DGKB: variants seen among roughly 807,000 people sequenced by gnomAD.
DGKB encodes the protein 90 kDa diacylglycerol kinase.
A neutral mutation model predicts 114.3 loss-of-function variants in DGKB; 67 were observed. The observed-to-expected ratio is 0.59, with a 90% CI of 0.48 to 0.72. DGKB has a LOEUF of 0.72. Ranked by LOEUF, DGKB falls within the 30% of genes least tolerant of loss-of-function variation. DGKB has a pLI of 0.00. For synonymous variants in DGKB, 398 were observed against 323.1 expected, an observed-to-expected ratio of 1.23 and a Z score of -2.49; for missense variants, 907 against 975.2, an observed-to-expected ratio of 0.93 and a Z score of 0.93.
At chr7:14,467,909 G>A (rs1279180617) in intron 21 of DGKB, among the ~76,000 whole-genome samples, 3 of 151,976 alleles carry the variant, frequency 2.0e-5, no homozygotes, top group Non-Finnish European at 4.4e-5. Flanking sequence ...TTTGGAAAAA[G>A]TTCAAGCCAG....
intron 17 of DGKB, among the ~76,000 whole-genome samples, chr7:14,597,484 ATTATCTGCTT>A (rs1266391553): frequency 6.6e-6 from 1 of 152,166 alleles, no homozygotes; most frequent in African/African-American, 2.4e-5. Context: ...TCCAAATCCA[ATTATCTGCTT>A]TTCGGAGTGT....
chr7:14,734,192 G>A (rs1479617830), intron 5 of DGKB, among the ~76,000 whole-genome samples: 2 of 102,286 alleles, frequency 2.0e-5, no homozygotes, highest in Admixed American at 1.9e-4. Flanking sequence ...CTGCCACCAT[G>A]CCCGGCTAAT....
At chr7:14,204,294 A>C (rs146142037) in intron 23 of DGKB, among the ~76,000 whole-genome samples, 3 of 151,934 alleles carry the variant, frequency 2.0e-5, no homozygotes, top group Non-Finnish European at 2.9e-5. Context: ...TGAAAACTTG[A>C]GGGGCCTTAT....
chr7:14,818,545 T>C (rs1366425801), intron 2 of DGKB, among the ~76,000 whole-genome samples: 3 of 152,034 alleles, frequency 2.0e-5, no homozygotes, highest in African/African-American at 7.2e-5. Flanking sequence ...TATCCAAAAA[T>C]TGGGTAAAAC....
chr7:14,704,620 C>T lies in DGKB; in HGVS notation c.467-2890G>A, dbSNP rs187009935. ...GTTCTCCCAGCACGCAGCTGAAGAT[C>T]TGAGAACCGGCAGACTGCCTCTTCA... is the stretch of plus-strand genomic sequence containing the variant. On this transcript the variant is annotated intron_variant, in intron 6 of 25. Coordinates refer to ENST00000402815, the MANE Select transcript of DGKB (RefSeq NM_001350709.2). Among the ~76,000 whole-genome samples the T allele has an allele frequency of 5.9e-5, 9 of 152,110 alleles. No individual in the cohort carries two copies. The East Asian group carries it at 1.6e-3, about 26-fold the overall frequency.
At chr7:14,624,778 G>A (rs1433290951) in intron 14 of DGKB, among the ~76,000 whole-genome samples, 4 of 152,152 alleles carry the variant, frequency 2.6e-5, no homozygotes, top group Middle Eastern at 3.4e-3. Context: ...CAGGCAGATC[G>A]CTGGAGCCCA....
chr7:14,778,091 G>T (rs867946638), intron 2 of DGKB, among the ~76,000 whole-genome samples: 2 of 152,170 alleles, frequency 1.3e-5, no homozygotes, highest in South Asian at 4.1e-4. Context: ...TGACTTACTT[G>T]CATTGTAGTA....
chr7:14,250,040 A>C (rs1353505187), intron 23 of DGKB, among the ~76,000 whole-genome samples: 1 of 151,628 alleles, frequency 6.6e-6, no homozygotes, highest in Non-Finnish European at 1.5e-5. Context: ...CTACAGCCTC[A>C]ACCTCCTGCA....
intron 20 of DGKB, among the ~76,000 whole-genome samples, chr7:14,507,417 C>T (rs910396146): frequency 1.3e-5 from 2 of 151,938 alleles, no homozygotes; most frequent in South Asian, 2.1e-4. Flanking sequence ...TTTAATGTGC[C>T]GTGTGAAAGT....
At chr7:14,915,436 C>A (rs1784197947) in intron 1 of DGKB, among the ~76,000 whole-genome samples, 1 of 152,042 alleles carries the variant, frequency 6.6e-6, no homozygotes, top group Non-Finnish European at 1.5e-5. Flanking sequence ...TAACAGCTGT[C>A]TTCCAAAATT....
rs553749799 is a variant in DGKB at position 14,940,601 on chromosome 7, C to T, written c.-188+34095G>A. On this transcript the variant is annotated intron_variant, in intron 1 of 4. Coordinates refer to the DGKB transcript ENST00000437998. ...CCAGTTTTGGCCCACAGGCCATATG[C>T]AGTTTGCCAACCTTTGTTCTATTAG... 6.6e-5 allele frequency among the ~76,000 whole-genome samples: 10 copies of T among 152,186 alleles called. No individual in the cohort carries two copies. The South Asian group carries it at 1.2e-3, about 19-fold the overall frequency.
intron 20 of DGKB, among the ~76,000 whole-genome samples, chr7:14,487,782 T>C (rs982348888): frequency 3.3e-5 from 5 of 151,576 alleles, no homozygotes; most frequent in Admixed American, 2.0e-4. Context: ...TTTTTTTTTT[T>C]TTCTTTAGAG....
chr7:14,465,531 A>G (rs1402444367), intron 21 of DGKB, among the ~76,000 whole-genome samples: 1 of 152,188 alleles, frequency 6.6e-6, no homozygotes, highest in African/African-American at 2.4e-5. Flanking sequence ...ATTTGGGGGA[A>G]CACAATATTT....
At chr7:14,295,722 A>G (rs1343787418) in intron 23 of DGKB, among the ~76,000 whole-genome samples, 1 of 152,088 alleles carries the variant, frequency 6.6e-6, no homozygotes, top group Admixed American at 6.6e-5. Flanking sequence ...TATTATTATT[A>G]TGTTCTAAGT....
chr7:14,924,728 A>G (rs1480027653), intron 1 of DGKB, among the ~76,000 whole-genome samples: 1 of 152,132 alleles, frequency 6.6e-6, no homozygotes, highest in Admixed American at 6.6e-5. Context: ...GCACAGCATG[A>G]TATTTTTAAA....
At chr7:14,437,583 T>G (rs906935068) in intron 21 of DGKB, among the ~76,000 whole-genome samples, 9 of 152,046 alleles carry the variant, frequency 5.9e-5, no homozygotes. Flanking sequence ...TGATTTAATA[T>G]TTTGATTGCA....
intron 20 of DGKB, among the ~76,000 whole-genome samples, chr7:14,494,470 CTT>C (rs1184959977): frequency 2.0e-5 from 3 of 151,880 alleles, no homozygotes; most frequent in Non-Finnish European, 4.4e-5. Flanking sequence ...AAAAAGCAGT[CTT>C]TGCAAATATA....
In DGKB at chr7:14,201,203, A is replaced by AGG. The variant is rs1184554679; in HGVS notation, c.2123-23054_2123-23053dup. Among the ~76,000 whole-genome samples, 13 of 152,074 alleles carry AGG rather than the reference A, an allele frequency of 8.5e-5. No individual in the cohort carries two copies. In the South Asian group the frequency reaches 2.7e-3, roughly 32 times the overall value. On this transcript the variant is annotated intron_variant, in intron 23 of 25. Coordinates refer to ENST00000402815, the MANE Select transcript of DGKB (RefSeq NM_001350709.2). ...GTAACCTTACAGGATGGAAGGCTTG[A>AGG]GGGATCCTTGTGTGGTCCCTTTTTA...
intron 1 of DGKB, among the ~76,000 whole-genome samples, chr7:14,910,482 T>C (rs186499957): frequency 3.9e-5 from 6 of 152,266 alleles, no homozygotes. Flanking sequence ...TTTTCTTTTT[T>C]TGGCTACCAA....
Sources: gnomAD v4.1 joint callset for allele counts (sites outside exome capture counted in the v4.1 genomes callset) on GRCh38, gnomAD v4.1.1 for gene constraint, MANE v1.5 for transcripts, NCBI Gene and HGNC (gene_info 2026-07-23, HGNC 2026-07-21) for gene names.